The following MRPL13 variants were observed in gnomAD, a reference collection of about 807,000 sequenced individuals.
MRPL13 encodes mitochondrial ribosomal protein L13.
In MRPL13, 33 loss-of-function variants were observed where a neutral mutation model predicts 29.0. The ratio of observed to expected loss-of-function variants is 1.14; its 90% CI spans 0.86 to 1.52. MRPL13 has a LOEUF of 1.52. Among genes scored for constraint, MRPL13 ranks in the 40% most tolerant of loss-of-function variants. MRPL13 has a pLI of 0.00. For missense variants in MRPL13, 227 were observed against 216.7 expected (o/e 1.05, Z -0.30); for synonymous variants, 77 against 68.4 (o/e 1.13, Z -0.62).
At chr8:120,405,688 T>A (rs1226152799) in intron 6 of MRPL13, among the ~76,000 whole-genome samples, 1 of 152,222 alleles carries the variant, frequency 6.6e-6, no homozygotes, top group African/African-American at 2.4e-5. Context: ...TCTCCCAAAC[T>A]GTAGTTCAAG....
Position 120,432,106 on chromosome 8 carries a change from C to A in MRPL13, c.169G>T (p.Val57Phe), listed in dbSNP as rs770466745. 3 of 1,601,092 alleles carry A rather than the reference C, an allele frequency of 1.9e-6. No individual in the cohort carries two copies. The highest frequency in any genetic ancestry group is 2.6e-6 in the Non-Finnish European group (3 of 1,174,514). ...YHALSDCGDH[V>F]VIMNTRHIAF... is the part of the protein sequence containing the mutation. ...ATGTGTCTTGTGTTCATTATAACAACATGATCCCCACAGTCACCTACATTT... is the reference window on the plus strand; with the variant it reads ...ATGTGTCTTGTGTTCATTATAACAAAATGATCCCCACAGTCACCTACATTT... Residue 57 changes from valine to phenylalanine, a missense_variant, in exon 3 of 7, where the codon GTT becomes TTT. By Grantham distance (50) the Val-to-Phe change is conservative (BLOSUM62 -1). Coordinates refer to ENST00000306185, the MANE Select transcript of MRPL13 (RefSeq NM_014078.6).
chr8:120,440,707 AAAAT>A (rs1400040131), intron 2 of MRPL13, among the ~76,000 whole-genome samples: 3 of 151,444 alleles, frequency 2.0e-5, no homozygotes, highest in East Asian at 1.9e-4. Flanking sequence ...TAATAGTAAA[AAAAT>A]AAATAAAATA....
At position 120,443,318 on chromosome 8, in the gene MRPL13, G is replaced by GAAA. The variant is rs5894521; in HGVS notation, c.28-13_28-11dup. On this transcript the variant is annotated splice_polypyrimidine_tract_variant and intron_variant, in intron 1 of 6. Coordinates refer to ENST00000306185, the MANE Select transcript of MRPL13 (RefSeq NM_014078.6). ...CAAAAGTGGCCCATTGCTTGGGGGG[G>GAAA]AAAAAAAAAAAAAAGAAGAGGAAAA... 3.7e-4 allele frequency: 508 copies of GAAA among 1,372,804 alleles called. No homozygotes were observed. The highest frequency in any genetic ancestry group is 1.1e-3 in the South Asian group (78 of 69,318). The allele number at this position is 1,372,804 out of a possible 1,614,324, so 85.0% of individuals were successfully genotyped here.
At chr8:120,434,940 C>T (rs1288396194) in intron 2 of MRPL13, among the ~76,000 whole-genome samples, 3 of 151,994 alleles carry the variant, frequency 2.0e-5, no homozygotes, top group Non-Finnish European at 4.4e-5. Context: ...ATTATAGATC[C>T]CTCACATAGA....
chr8:120,430,595 A>C (rs552352584), intron 3 of MRPL13, among the ~76,000 whole-genome samples: 4 of 152,342 alleles, frequency 2.6e-5, no homozygotes, highest in South Asian at 4.1e-4. Context: ...CATCTGAGTC[A>C]ATTTTTAATG....
At chr8:120,424,118 T>C (rs974475475) in intron 4 of MRPL13, among the ~76,000 whole-genome samples, 2 of 152,058 alleles carry the variant, frequency 1.3e-5, no homozygotes, top group Non-Finnish European at 2.9e-5. Context: ...AAATGAAATA[T>C]ATGAGGCAAA....
At chr8:120,424,057 T>G (rs904651025) in intron 4 of MRPL13, among the ~76,000 whole-genome samples, 1 of 152,100 alleles carries the variant, frequency 6.6e-6, no homozygotes, top group African/African-American at 2.4e-5. Context: ...TCTAGTTACA[T>G]GATGTTTACA....
At chr8:120,423,082 TC>T (rs1404009737) in intron 4 of MRPL13, among the ~76,000 whole-genome samples, 1 of 151,606 alleles carries the variant, frequency 6.6e-6, no homozygotes, top group Admixed American at 6.6e-5. Context: ...TTGAAACTGA[TC>T]AACAAATTTG....
intron 6 of MRPL13, among the ~76,000 whole-genome samples, chr8:120,412,591 T>G (rs959143911): frequency 6.6e-6 from 1 of 152,232 alleles, no homozygotes; most frequent in Non-Finnish European, 1.5e-5. Context: ...TTGGTTTGGA[T>G]TTTTCTAAAA....
chr8:120,413,980 G>C lies in MRPL13; in HGVS notation c.515+11C>G. 1 of 1,520,286 alleles carries C rather than the reference G, an allele frequency of 6.6e-7. No homozygotes were observed. The highest frequency in any genetic ancestry group is 8.8e-7 in the Non-Finnish European group (1 of 1,141,880). The allele number at this position is 1,520,286 out of a possible 1,614,324, so 94.2% of individuals were successfully genotyped here. A position where few individuals can be genotyped will look rare whatever the true frequency, so the allele number is the denominator to read the frequency against. Reference sequence around the variant, plus strand: ...AAAAGAAAAAAAAACAAGAAGAAGGGAAACACTTACGGAGTCCACAATCTT... The same window carrying C: ...AAAAGAAAAAAAAACAAGAAGAAGGCAAACACTTACGGAGTCCACAATCTT... On this transcript the variant is annotated intron_variant, in intron 6 of 6. Coordinates refer to ENST00000306185, the MANE Select transcript of MRPL13 (RefSeq NM_014078.6).
chr8:120,430,442 A>C (rs550144344), intron 3 of MRPL13, among the ~76,000 whole-genome samples: 1 of 152,294 alleles, frequency 6.6e-6, no homozygotes, highest in Non-Finnish European at 1.5e-5. Context: ...TAGCAAGCTA[A>C]ATTTTGAATA....
At chr8:120,420,051 G>C (rs904308289) in intron 4 of MRPL13, 113 bp from the exon 5 acceptor site, 2 of 583,162 alleles carry the variant, frequency 3.4e-6, no homozygotes, top group Non-Finnish European at 5.3e-6. Context: ...CACGAATATA[G>C]GAAAGAAATA....
Position 120,432,108 on chromosome 8 carries a change from T to C in MRPL13, c.167A>G (p.His56Arg), listed in dbSNP as rs897751245. 8.1e-6 allele frequency: 13 copies of C among 1,600,136 alleles called. No homozygotes were observed. Among genetic ancestry groups the C allele is most frequent in the Non-Finnish European group, 1.1e-5 (13 of 1,174,262 alleles). ...GTGTCTTGTGTTCATTATAACAACATGATCCCCACAGTCACCTACATTTTA... is the reference window on the plus strand; with the variant it reads ...GTGTCTTGTGTTCATTATAACAACACGATCCCCACAGTCACCTACATTTTA... The part of the protein sequence containing the change: ...VYHALSDCGD[H>R]VVIMNTRHIA... Residue 56 changes from histidine (H) to arginine (R), a missense_variant, in exon 3 of 7, where the codon CAT (histidine) becomes CGT (arginine). Physicochemically the swap from His to Arg is conservative, Grantham distance 29. Coordinates refer to ENST00000306185, the MANE Select transcript of MRPL13 (RefSeq NM_014078.6).
intron 3 of MRPL13, among the ~76,000 whole-genome samples, chr8:120,431,236 A>G (rs1586926299): frequency 6.6e-6 from 1 of 152,188 alleles, no homozygotes; most frequent in African/African-American, 2.4e-5. Context: ...ATCAAGAATA[A>G]AAGATAACAT....
At chr8:120,441,631 G>C (rs1017738718) in intron 2 of MRPL13, among the ~76,000 whole-genome samples, 13 of 152,120 alleles carry the variant, frequency 8.5e-5, no homozygotes, top group African/African-American at 2.7e-4. Flanking sequence ...GAGATTAAAG[G>C]AACATAACAA....
chr8:120,408,645 T>G (rs190305236), intron 6 of MRPL13, among the ~76,000 whole-genome samples: 1 of 152,258 alleles, frequency 6.6e-6, no homozygotes, highest in Admixed American at 6.5e-5. Flanking sequence ...AGAAGAAAAT[T>G]ATGGAAAATC....
chr8:120,420,991 T>C (rs1812866197), intron 4 of MRPL13, among the ~76,000 whole-genome samples: 1 of 151,718 alleles, frequency 6.6e-6, no homozygotes, highest in Admixed American at 6.6e-5. Context: ...GACATACAAA[T>C]GTACGTAAAC....
At chr8:120,437,974 C>T (rs1813074458) in intron 2 of MRPL13, among the ~76,000 whole-genome samples, 1 of 152,100 alleles carries the variant, frequency 6.6e-6, no homozygotes, top group South Asian at 2.1e-4. Flanking sequence ...TAAAACACAA[C>T]ATATTTATAA....
intron 2 of MRPL13, 97 bp downstream of exon 2, chr8:120,443,088 A>T (rs1055934624): frequency 1.7e-6 from 2 of 1,182,460 alleles, no homozygotes; most frequent in Non-Finnish European, 2.2e-6. Flanking sequence ...AGGAAAAATA[A>T]AAAGGGCCCT....
Sources: gnomAD v4.1 joint callset for allele counts (sites outside exome capture counted in the v4.1 genomes callset) on GRCh38, gnomAD v4.1.1 for gene constraint, MANE v1.5 for transcripts, NCBI Gene and HGNC (gene_info 2026-07-23, HGNC 2026-07-21) for gene names.